The following VPS35 variants were observed in gnomAD, a reference collection of about 807,000 sequenced individuals.
VPS35 encodes the protein VPS35 retromer complex component, also known as vacuolar protein sorting-associated protein 35.
Under a neutral mutation model 98.1 loss-of-function variants are expected in VPS35, and 21 were observed. That is an observed-to-expected ratio of 0.21 (90% CI 0.15 to 0.31). The LOEUF is 0.31. Ranked by LOEUF, VPS35 falls within the 10% of genes least tolerant of loss-of-function variation. VPS35 has a pLI of 1.00. For synonymous variants in VPS35, 268 were observed against 318.2 expected (o/e 0.84, Z 1.68); for missense variants, 554 against 950.8 (o/e 0.58, Z 5.49).
At chr16:46,688,633 G>A (rs1966362576) in intron 1 of VPS35, 1 of 1,012,482 alleles carries the variant, frequency 9.9e-7, no homozygotes, top group Non-Finnish European at 1.2e-6. Flanking sequence ...ATGAGGCCAA[G>A]AAAGGCCAAG....
At chr16:46,688,599 C>T in intron 1 of VPS35, 1 of 999,062 alleles carries the variant, frequency 1.0e-6, no homozygotes, top group Non-Finnish European at 1.2e-6. Flanking sequence ...AACTCGCTGA[C>T]AAACACTGCA....
In VPS35 at chr16:46,680,826, T is replaced by C. The variant is rs1966223490; in HGVS notation, c.351A>G (p.Val117=). The part of the protein sequence containing the change: ...RLYLLITVGV[V]YVKSFPQSRK... ...TGGACTGAGGAAATGACTTGACATATACAACTCCAACTGTGATCAAAAGGT... is the reference window on the plus strand; with the variant it reads ...TGGACTGAGGAAATGACTTGACATACACAACTCCAACTGTGATCAAAAGGT... Residue 117 remains valine, a synonymous_variant, in exon 5 of 17, where the codon GTA becomes GTG. Coordinates refer to ENST00000299138, the MANE Select transcript of VPS35 (RefSeq NM_018206.6). The C allele has an allele frequency of 6.2e-7, 1 of 1,613,982 alleles. No individual in the cohort carries two copies. The highest frequency in any genetic ancestry group is 1.3e-5 in the African/African-American group (1 of 75,028).
At position 46,656,737 on chromosome 16, in the gene VPS35, T is replaced by TGGCCATGCCTGTAATTACA. The variant is rs1337529798; in HGVS notation, c.*3734_*3735insTGTAATTACAGGCATGGCC. ...CAATATACAATCTGGCTGGGCAAGGTGGCTCATGCCTGTAATTCCAGCACT... is the reference window on the plus strand; with the variant it reads ...CAATATACAATCTGGCTGGGCAAGGTGGCCATGCCTGTAATTACAGGCTCATGCCTGTAATTCCAGCACT... On this transcript the variant is annotated 3_prime_UTR_variant, in exon 17 of 17. Transcript: ENST00000299138. 1.3e-5 allele frequency: 2 copies of TGGCCATGCCTGTAATTACA among 152,344 alleles called. No homozygotes were observed. Among genetic ancestry groups the TGGCCATGCCTGTAATTACA allele is most frequent in the Admixed American group, 6.5e-5 (1 of 15,282 alleles). 9.4% of individuals were successfully genotyped at this position (152,344 alleles called of 1,614,324 possible). A position where few individuals can be genotyped will look rare whatever the true frequency, so the allele number is the denominator to read the frequency against.
Position 46,661,006 on chromosome 16 carries a change from G to A in VPS35, c.2212-355C>T. On this transcript the variant is annotated intron_variant, in intron 16 of 16. Coordinates refer to ENST00000299138, the MANE Select transcript of VPS35 (RefSeq NM_018206.6). This position sits in a 1 kb window ranked among gnomAD's most constrained non-coding sequence, Gnocchi z 4.3. ...TAGTAATAATACAAAAATTAGCTGG[G>A]CGTGGTGCCGGGCGCCTATAATACC... The A allele has an allele frequency of 2.8e-6, 1 of 360,618 alleles. No homozygotes were observed. Among genetic ancestry groups the A allele is most frequent in the South Asian group, 2.2e-5 (1 of 45,326 alleles). 22.3% of individuals were successfully genotyped at this position (360,618 alleles called of 1,614,324 possible).
At chr16:46,679,300 A>G in intron 5 of VPS35, 144 bp from the exon 6 acceptor site, 6 of 784,920 alleles carry the variant, frequency 7.6e-6, no homozygotes, top group Non-Finnish European at 1.2e-5. Context: ...CTTAGTGTTA[A>G]ATTTCAAAGG....
intron 13 of VPS35, among the ~76,000 whole-genome samples, chr16:46,668,001 G>A (rs1395968356): frequency 3.9e-5 from 6 of 152,202 alleles, no homozygotes; most frequent in Admixed American, 6.5e-5. Context: ...CGCTGGTAAA[G>A]AGTGAATGAT....
intron 13 of VPS35, among the ~76,000 whole-genome samples, 157 bp downstream of exon 13, chr16:46,668,773 G>T (rs758817360): frequency 1.5e-4 from 23 of 152,156 alleles, no homozygotes; most frequent in Non-Finnish European, 1.8e-4. Flanking sequence ...CTTAGCACAG[G>T]ATAAGTAACA....
chr16:46,672,528 A>G, intron 10 of VPS35, 56 bp from the exon 11 acceptor site: 3 of 1,473,124 alleles, frequency 2.0e-6, no homozygotes, highest in Non-Finnish European at 2.8e-6. Context: ...TATATACACA[A>G]ATAGCATTTG....
rs911222425 is a variant in VPS35 at position 46,674,354 on chromosome 16, C to T, written c.1120G>A (p.Glu374Lys). The change falls in exon 10 of 17, where the codon GAA becomes AAA. Residue 374 changes from glutamate to lysine, a missense_variant. Around this residue, in one of 5 missense-constraint regions of VPS35, gnomAD observed 254 missense variants for 390.1 expected, o/e 0.65. Transcript: ENST00000299138. Reference sequence around the variant, plus strand: ...TTATTGAATATCTCCACTGTTGTTTCTAGAACTTTATCAACATAGTCCACA... The same window carrying T: ...TTATTGAATATCTCCACTGTTGTTTTTAGAACTTTATCAACATAGTCCACA... ...DRVDYVDKVLETTVEIFNKLN... is the reference protein window; with the variant it reads ...DRVDYVDKVLKTTVEIFNKLN... 2.3e-5 allele frequency: 37 copies of T among 1,613,934 alleles called. No homozygotes were observed. Among genetic ancestry groups the T allele is most frequent in the Non-Finnish European group, 2.7e-5 (32 of 1,180,008 alleles).
intron 12 of VPS35, among the ~76,000 whole-genome samples, chr16:46,669,564 G>A (rs1293119160): frequency 6.6e-6 from 1 of 151,868 alleles, no homozygotes; most frequent in South Asian, 2.1e-4. Flanking sequence ...CTACTGAGGA[G>A]GCTGAGGCAG....
chr16:46,666,697 A>G (rs1035274328), intron 13 of VPS35, among the ~76,000 whole-genome samples: 4 of 152,236 alleles, frequency 2.6e-5, no homozygotes, highest in African/African-American at 9.6e-5. Context: ...TATTTCACTT[A>G]GAACAATGTC....
At chr16:46,676,149 A>C (rs1398817746) in intron 8 of VPS35, among the ~76,000 whole-genome samples, 1 of 151,834 alleles carries the variant, frequency 6.6e-6, no homozygotes, top group Non-Finnish European at 1.5e-5. Context: ...TTTTTCTTTA[A>C]GAAAATGTGA....
At position 46,688,368 on chromosome 16, in the gene VPS35, G is replaced by A. The variant is rs1338534392; in HGVS notation, c.3+763C>T. On this transcript the variant is annotated intron_variant, in intron 1 of 16. Coordinates refer to ENST00000299138, the MANE Select transcript of VPS35 (RefSeq NM_018206.6). ...ATTTTGAGGAAGTTCAAGTTTACCG[G>A]CCAACAGCCACACCACGATTTGCTG... is the stretch of plus-strand genomic sequence containing the variant. 6 of 986,954 alleles carry A rather than the reference G, an allele frequency of 6.1e-6. No individual in the cohort carries two copies. The East Asian group carries it at 4.5e-4, about 75-fold the overall frequency. 61.1% of individuals were successfully genotyped at this position (986,954 alleles called of 1,614,324 possible). A position where few individuals can be genotyped will look rare whatever the true frequency, so the allele number is the denominator to read the frequency against.
chr16:46,675,557 A>T (rs923956125), intron 8 of VPS35, among the ~76,000 whole-genome samples: 1 of 152,230 alleles, frequency 6.6e-6, no homozygotes, highest in African/African-American at 2.4e-5. Flanking sequence ...AGTGGGCCCA[A>T]TAAGTATGGA....
At chr16:46,681,210 C>CGTAAATCTAG (rs1567268894) in intron 4 of VPS35, among the ~76,000 whole-genome samples, 167 bp downstream of exon 4, 1 of 151,656 alleles carries the variant, frequency 6.6e-6, no homozygotes, top group Admixed American at 6.6e-5. Context: ...CTACATAAAA[C>CGTAAATCTAG]GTAAATCTAG....
At chr16:46,686,860 C>CT (rs1468263290) in intron 1 of VPS35, among the ~76,000 whole-genome samples, 2 of 152,184 alleles carry the variant, frequency 1.3e-5, no homozygotes, top group African/African-American at 4.8e-5. Flanking sequence ...CCCATTTTAG[C>CT]TTGAGACCCA....
At position 46,679,506 on chromosome 16, in the gene VPS35, C is replaced by G. The variant is rs1966200901; in HGVS notation, c.507-350G>C. On this transcript the variant is annotated intron_variant, in intron 5 of 16. Transcript: ENST00000299138. ...CTTTGGGAGGCCAAGGCAGGAAGAT[C>G]GCTTTAGGCCAGGAGTTTAAAACTG... Among the ~76,000 whole-genome samples, 4 of 152,178 alleles carry G rather than the reference C, an allele frequency of 2.6e-5. No homozygotes were observed. In the South Asian group the frequency reaches 8.3e-4, roughly 32 times the overall value.
At chr16:46,663,278 T>G in intron 13 of VPS35, 116 bp from the exon 14 acceptor site, 1 of 957,362 alleles carries the variant, frequency 1.0e-6, no homozygotes, top group East Asian at 2.6e-5. Context: ...CCTGTCATTT[T>G]CCTTCTCTGT....
At chr16:46,672,890 C>T (rs1300140307) in intron 10 of VPS35, among the ~76,000 whole-genome samples, 1 of 152,126 alleles carries the variant, frequency 6.6e-6, no homozygotes, top group Non-Finnish European at 1.5e-5. Flanking sequence ...TTTGACACAA[C>T]AGAAAAACAC....
Sources: gnomAD v4.1 joint callset for allele counts (sites outside exome capture counted in the v4.1 genomes callset) on GRCh38, gnomAD v4.1.1 for gene constraint, gnomAD v4.1.1 regional missense constraint, Gnocchi (gnomAD v3.1) non-coding constraint, MANE v1.5 for transcripts, NCBI Gene and HGNC (gene_info 2026-07-23, HGNC 2026-07-21) for gene names.